The following CRPPA variants were observed in gnomAD, a reference collection of about 807,000 sequenced individuals.
The protein encoded by CRPPA is D-ribitol-5-phosphate cytidylyltransferase.
CRPPA carries 43 observed loss-of-function variants against 52.0 expected under a neutral mutation model. The observed-to-expected ratio is 0.83, with a 90% CI of 0.65 to 1.07. CRPPA has a LOEUF of 1.07. CRPPA is among the 50% of genes least tolerant of loss of function. The pLI is 0.00. For missense variants in CRPPA, 629 were observed against 551.7 expected (o/e 1.14, Z -1.40); for synonymous variants, 250 against 203.5 (o/e 1.23, Z -1.94).
chr7:16,254,388 C>G (rs915924614), intron 8 of CRPPA, among the ~76,000 whole-genome samples: 3 of 152,116 alleles, frequency 2.0e-5, no homozygotes, highest in Non-Finnish European at 2.9e-5. Flanking sequence ...CACATATACA[C>G]CATGGAATAC....
intron 5 of CRPPA, among the ~76,000 whole-genome samples, chr7:16,293,514 C>T (rs1038999288): frequency 2.0e-5 from 3 of 151,936 alleles, no homozygotes; most frequent in African/African-American, 7.2e-5. Flanking sequence ...GTAAAGGATA[C>T]TCAAGGTTTG....
At chr7:16,158,918 A>T (rs1783242748) in intron 9 of CRPPA, among the ~76,000 whole-genome samples, 1 of 152,024 alleles carries the variant, frequency 6.6e-6, no homozygotes, top group Non-Finnish European at 1.5e-5. Context: ...GAATTATGTG[A>T]CTAACTTCTT....
At position 16,091,480 on chromosome 7, in the gene CRPPA, G is replaced by C; in HGVS notation, c.*215C>G. The C allele has an allele frequency of 2.5e-6, 1 of 406,462 alleles. No individual in the cohort carries two copies. Among genetic ancestry groups the C allele is most frequent in the South Asian group, 3.9e-5 (1 of 25,604 alleles). 25.2% of individuals were successfully genotyped at this position (406,462 alleles called of 1,614,324 possible). On this transcript the variant is annotated 3_prime_UTR_variant, in exon 10 of 10. Transcript: ENST00000407010. Reference sequence around the variant, plus strand: ...TCCACTTATCTACTATTTTTTTCTGGTTCAGGCAATTAATATTTGTCATAC... The same window carrying C: ...TCCACTTATCTACTATTTTTTTCTGCTTCAGGCAATTAATATTTGTCATAC...
At chr7:16,160,432 C>T (rs1197614242) in intron 9 of CRPPA, among the ~76,000 whole-genome samples, 5 of 152,160 alleles carry the variant, frequency 3.3e-5, no homozygotes, top group African/African-American at 1.2e-4. Context: ...GGAATCCTTT[C>T]CCCATTGCTT....
chr7:16,180,517 A>C (rs183910826), intron 9 of CRPPA, among the ~76,000 whole-genome samples: 38 of 152,218 alleles, frequency 2.5e-4, no homozygotes, highest in African/African-American at 9.1e-4. Flanking sequence ...CGATCTAGGC[A>C]TAAGTGGTTG....
In CRPPA at chr7:16,225,835, A is replaced by G. The variant is rs371758713; in HGVS notation, c.1120-9638T>C. On this transcript the variant is annotated intron_variant, in intron 8 of 9. Coordinates refer to ENST00000407010, the MANE Select transcript of CRPPA (RefSeq NM_001101426.4). ...AAGTCCATCATGCTACTTCTCATCT[A>G]TAAGAATTGATTCTGTTTTATGTAC... Among the ~76,000 whole-genome samples, 33 of 152,098 alleles carry G rather than the reference A, an allele frequency of 2.2e-4. No homozygotes were observed. In the East Asian group the frequency reaches 4.6e-3, roughly 21 times the overall value.
At chr7:16,286,045 ATATATATAT>A (rs1562608432) in intron 5 of CRPPA, among the ~76,000 whole-genome samples, 1,142 of 7,620 alleles carry the variant, frequency 0.15, 146 homozygotes, top group Non-Finnish European at 0.22. Context: ...AAAAATATAA[ATATATATAT>A]ATATATATAT....
intron 2 of CRPPA, among the ~76,000 whole-genome samples, chr7:16,381,766 G>T (rs1004733499): frequency 6.6e-6 from 1 of 151,578 alleles, no homozygotes; most frequent in Non-Finnish European, 1.5e-5. Flanking sequence ...TGTCTCTTTC[G>T]ATCTTTGTTG....
Position 16,406,092 on chromosome 7 carries a change from A to G in CRPPA, c.503T>C (p.Leu168Pro). The G allele has an allele frequency of 6.2e-7, 1 of 1,613,832 alleles. No homozygotes were observed. Among genetic ancestry groups the G allele is most frequent in the East Asian group, 2.2e-5 (1 of 44,874 alleles). ...TTCCTTAGCAGCTGTGACAACTTTAAGAAGGACACCTTCCTCAACAAATGG... is the reference window on the plus strand; with the variant it reads ...TTCCTTAGCAGCTGTGACAACTTTAGGAAGGACACCTTCCTCAACAAATGG... ...VRPFVEEGVL[L>P]KVVTAAKEHG... Residue 168 changes from leucine (L) to proline (P), a missense_variant, in exon 2 of 10, where the codon CTT becomes CCT. Leu to Pro is a moderately conservative substitution (Grantham distance 98). Coordinates refer to ENST00000407010, the MANE Select transcript of CRPPA (RefSeq NM_001101426.4).
chr7:16,350,308 TA>T (rs1786113851), intron 3 of CRPPA, among the ~76,000 whole-genome samples: 1 of 152,006 alleles, frequency 6.6e-6, no homozygotes, highest in Admixed American at 6.6e-5. Flanking sequence ...TATGACTACA[TA>T]AAACTCACTG....
At chr7:16,396,049 C>T (rs1787560575) in intron 2 of CRPPA, among the ~76,000 whole-genome samples, 1 of 152,096 alleles carries the variant, frequency 6.6e-6, no homozygotes, top group Non-Finnish European at 1.5e-5. Flanking sequence ...CCTTACGAAC[C>T]AGAACTCACT....
intron 2 of CRPPA, among the ~76,000 whole-genome samples, chr7:16,405,842 A>G (rs781700586): frequency 6.6e-6 from 1 of 152,206 alleles, no homozygotes; most frequent in Non-Finnish European, 1.5e-5. Context: ...TTCTTCTCCA[A>G]ATACCTCATA....
chr7:16,114,607 A>G (rs957417916), intron 9 of CRPPA, among the ~76,000 whole-genome samples: 1 of 152,098 alleles, frequency 6.6e-6, no homozygotes, highest in Non-Finnish European at 1.5e-5. Flanking sequence ...GAAGGGACTT[A>G]AAATTATGCT....
chr7:16,392,514 G>A (rs990718581), intron 2 of CRPPA, among the ~76,000 whole-genome samples: 4 of 152,062 alleles, frequency 2.6e-5, no homozygotes, highest in Admixed American at 1.3e-4. Flanking sequence ...TGAGGAATAC[G>A]CAAAATGCAA....
intron 9 of CRPPA, among the ~76,000 whole-genome samples, chr7:16,142,124 AT>A (rs1164829399): frequency 1.3e-5 from 2 of 152,212 alleles, no homozygotes; most frequent in Admixed American, 1.3e-4. Flanking sequence ...AAGAACGGAT[AT>A]AAAGGGGCAT....
chr7:16,107,663 C>G (rs574298879), intron 9 of CRPPA, among the ~76,000 whole-genome samples: 2 of 151,530 alleles, frequency 1.3e-5, no homozygotes, highest in African/African-American at 4.9e-5. Context: ...ATAATATGAA[C>G]TATAAAAAAG....
At chr7:16,322,800 G>A (rs750061303) in intron 3 of CRPPA, among the ~76,000 whole-genome samples, 2 of 152,068 alleles carry the variant, frequency 1.3e-5, no homozygotes, top group Non-Finnish European at 2.9e-5. Flanking sequence ...TTCTCATGCT[G>A]CTATGAAGAA....
chr7:16,156,059 T>C (rs2128380399), intron 9 of CRPPA, among the ~76,000 whole-genome samples: 1 of 150,206 alleles, frequency 6.7e-6, no homozygotes, highest in Non-Finnish European at 1.5e-5. Context: ...TATATATATA[T>C]TAAGCCAACA....
At chr7:16,177,171 A>G (rs1381046216) in intron 9 of CRPPA, among the ~76,000 whole-genome samples, 2 of 152,144 alleles carry the variant, frequency 1.3e-5, no homozygotes, top group Non-Finnish European at 2.9e-5. Context: ...ATGACCAAAA[A>G]GAAACATGAT....
Sources: allele counts gnomAD v4.1 joint callset (sites outside exome capture counted in the v4.1 genomes callset), GRCh38; gene constraint gnomAD v4.1.1; transcripts MANE v1.5; gene names NCBI Gene and HGNC (gene_info 2026-07-23, HGNC 2026-07-21).